Variants in TTLL5 observed in about 807,000 individuals in gnomAD.
The protein encoded by TTLL5 is tubulin polyglutamylase TTLL5.
A neutral mutation model predicts 168.4 loss-of-function variants in TTLL5; 132 were observed. The ratio of observed to expected loss-of-function variants is 0.78; its 90% CI spans 0.68 to 0.91. The LOEUF (loss-of-function observed/expected upper bound fraction) is 0.91. Among genes scored for constraint, TTLL5 ranks in the 40% least tolerant of loss-of-function variants. TTLL5 has a pLI of 0.00. For synonymous variants in TTLL5, 546 were observed against 558.6 expected, an observed-to-expected ratio of 0.98 and a Z score of 0.32; for missense variants, 1,545 against 1,581.5, an observed-to-expected ratio of 0.98 and a Z score of 0.39.
intron 27 of TTLL5, among the ~76,000 whole-genome samples, chr14:75,811,193 G>GTGTA (rs1893999203): frequency 6.6e-6 from 1 of 151,630 alleles, no homozygotes. Context: ...GTGTGTATGT[G>GTGTA]TGTGTGTGTG....
intron 21 of TTLL5, among the ~76,000 whole-genome samples, chr14:75,772,424 A>G (rs529816042): frequency 1.3e-5 from 2 of 152,344 alleles, no homozygotes; most frequent in African/African-American, 4.8e-5. Flanking sequence ...ACCTTATCAT[A>G]GGCCCTGTCA....
intron 9 of TTLL5, among the ~76,000 whole-genome samples, chr14:75,717,452 A>G (rs1887543183): frequency 6.6e-6 from 1 of 152,114 alleles, no homozygotes; most frequent in Non-Finnish European, 1.5e-5. Flanking sequence ...TGCATCTTTC[A>G]CAGTATCCTA....
intron 15 of TTLL5, among the ~76,000 whole-genome samples, chr14:75,740,472 CATAATT>C (rs988598838): frequency 7.9e-5 from 12 of 152,078 alleles, no homozygotes; most frequent in African/African-American, 2.9e-4. Context: ...ATTTTTCAAA[CATAATT>C]ATAAGTGGTT....
At position 75,916,570 on chromosome 14, in the gene TTLL5, G is replaced by A. The variant is rs139680947; in HGVS notation, c.3823+14346G>A. ...GGAGGATCACTTGAGCTGGGAGGTC[G>A]AGGCTGCCATGATCCATGATCACAC... is the stretch of plus-strand genomic sequence containing the variant. On this transcript the variant is annotated intron_variant, in intron 31 of 31. Transcript: ENST00000298832. 5.3e-4 allele frequency among the ~76,000 whole-genome samples: 80 copies of A among 152,082 alleles called. 1 individual carries two copies. The highest frequency in any genetic ancestry group is 1.8e-3 in the African/African-American group (76 of 41,494).
rs574957654 is a variant in TTLL5, at chr14:75,676,033, G to A, written c.182-5512G>A. Among the ~76,000 whole-genome samples the A allele has an allele frequency of 8.5e-5, 13 of 152,248 alleles. No individual in the cohort carries two copies. The East Asian group carries it at 2.1e-3, about 25-fold the overall frequency. ...TGAATTCCTGAGAACCAGGAGTGTC[G>A]AGGGCAGAGAAGGTCTGTGTCCCAT... On this transcript the variant is annotated intron_variant, in intron 3 of 31. Coordinates refer to ENST00000298832, the MANE Select transcript of TTLL5 (RefSeq NM_015072.5).
rs151197710 is a variant in TTLL5 at position 75,683,617 on chromosome 14, G to T, written c.332G>T (p.Arg111Leu). The change falls in exon 5 of 32, where the codon CGC (arginine) becomes CTC (leucine). Residue 111 changes from arginine to leucine, a missense_variant. Coordinates refer to ENST00000298832, the MANE Select transcript of TTLL5 (RefSeq NM_015072.5). The part of the protein sequence containing the change: ...TGSHLKPFLL[R>L]TLSEAQKVNH... Reference sequence around the variant, plus strand: ...TCCCACCTGAAGCCCTTCTTACTGCGCACCCTCTCTGAAGCACAAAAAGTT... The same window carrying T: ...TCCCACCTGAAGCCCTTCTTACTGCTCACCCTCTCTGAAGCACAAAAAGTT... The T allele has an allele frequency of 2.8e-5, 45 of 1,613,754 alleles. No individual in the cohort carries two copies. The highest frequency in any genetic ancestry group is 3.6e-5 in the Non-Finnish European group (43 of 1,179,876).
chr14:75,695,016 A>G (rs1885739384), intron 6 of TTLL5, among the ~76,000 whole-genome samples: 1 of 152,224 alleles, frequency 6.6e-6, no homozygotes, highest in South Asian at 2.1e-4. Context: ...GATAACAGTG[A>G]TGTTCATGGA....
chr14:75,875,777 T>C (rs1448378284), intron 29 of TTLL5, among the ~76,000 whole-genome samples: 1 of 152,194 alleles, frequency 6.6e-6, no homozygotes, highest in Non-Finnish European at 1.5e-5. Context: ...TCAGGTGTCA[T>C]GTGATTCCGT....
intron 27 of TTLL5, among the ~76,000 whole-genome samples, chr14:75,817,271 C>T (rs1386333747): frequency 2.0e-5 from 3 of 152,104 alleles, no homozygotes; most frequent in Non-Finnish European, 4.4e-5. Flanking sequence ...AGCCACCACG[C>T]CCAGCCTCTT....
At chr14:75,886,494 C>G (rs537069771) in intron 30 of TTLL5, among the ~76,000 whole-genome samples, 3 of 152,184 alleles carry the variant, frequency 2.0e-5, no homozygotes, top group Admixed American at 1.3e-4. Context: ...AATCCTGATG[C>G]TTTCAAGCCA....
In TTLL5 at chr14:75,669,420, C is replaced by T. The variant is rs1883543107; in HGVS notation, c.79C>T (p.His27Tyr). The change falls in exon 3 of 32, where the codon CAT becomes TAT. Residue 27 changes from histidine to tyrosine, a missense_variant. By Grantham distance (83) the His-to-Tyr change is moderately conservative. Transcript: ENST00000298832. Reference protein sequence around the residue: ...EDEEVISQEDHPCIMWTGGCR... With the variant: ...EDEEVISQEDYPCIMWTGGCR... ...AAGGCTTTTTTGTCGTTATAGGGAT[C>T]ATCCATGCATCATGTGGACTGGAGG... The T allele has an allele frequency of 6.2e-7, 1 of 1,612,620 alleles. No homozygotes were observed. Among genetic ancestry groups the T allele is most frequent in the African/African-American group, 1.3e-5 (1 of 75,014 alleles).
chr14:75,759,957 C>T (rs758458709), intron 18 of TTLL5, among the ~76,000 whole-genome samples: 1 of 151,974 alleles, frequency 6.6e-6, no homozygotes, highest in Non-Finnish European at 1.5e-5. Flanking sequence ...TGTAATAGGG[C>T]AAGATGTCCA....
At chr14:75,727,643 C>T (rs1351505876) in intron 12 of TTLL5, among the ~76,000 whole-genome samples, 1 of 152,108 alleles carries the variant, frequency 6.6e-6, no homozygotes, top group African/African-American at 2.4e-5. Flanking sequence ...AAAATGTATA[C>T]TTTAAAAGGG....
intron 27 of TTLL5, among the ~76,000 whole-genome samples, chr14:75,796,768 C>A (rs1893016443): frequency 6.6e-6 from 1 of 152,098 alleles, no homozygotes; most frequent in Non-Finnish European, 1.5e-5. Flanking sequence ...GTTTTCTATT[C>A]TGTTCTATTG....
intron 28 of TTLL5, among the ~76,000 whole-genome samples, chr14:75,844,309 T>C (rs1018678569): frequency 1.3e-5 from 2 of 152,216 alleles, no homozygotes; most frequent in African/African-American, 2.4e-5. Flanking sequence ...ACACAAATGG[T>C]TTAGAAAGGT....
rs113360021 is a variant in TTLL5, at chr14:75,690,916, G to A, written c.502+594G>A. On this transcript the variant is annotated intron_variant, in intron 6 of 31. Transcript: ENST00000298832. ...ATGACAGGCATGATCCACCACACCC[G>A]GCCTGTAAGGATACTTTATATTCCT... 5.3e-3 allele frequency among the ~76,000 whole-genome samples: 813 copies of A among 152,210 alleles called. 4 individuals carry two copies. The highest frequency in any genetic ancestry group is 0.011 in the East Asian group (57 of 5,186).
At chr14:75,676,543 G>C (rs1884169227) in intron 3 of TTLL5, among the ~76,000 whole-genome samples, 1 of 152,080 alleles carries the variant, frequency 6.6e-6, no homozygotes, top group Non-Finnish European at 1.5e-5. Flanking sequence ...CTCCAGCAGT[G>C]ATGTTTGCAT....
At chr14:75,853,311 T>G (rs2139898999) in intron 28 of TTLL5, among the ~76,000 whole-genome samples, 2 of 152,312 alleles carry the variant, frequency 1.3e-5, no homozygotes, top group Non-Finnish European at 2.9e-5. Context: ...CTCCCCTTGA[T>G]TCTGCCTAAC....
At chr14:75,716,161 G>A (rs1013055615) in intron 9 of TTLL5, among the ~76,000 whole-genome samples, 1 of 152,192 alleles carries the variant, frequency 6.6e-6, no homozygotes, top group Admixed American at 6.5e-5. Flanking sequence ...GGAAGATTGG[G>A]ATGCATAGGC....
Sources: allele counts gnomAD v4.1 joint callset (sites outside exome capture counted in the v4.1 genomes callset), GRCh38; gene constraint gnomAD v4.1.1; transcripts MANE v1.5; gene names NCBI Gene and HGNC (gene_info 2026-07-23, HGNC 2026-07-21).